LPIN1: variants seen among roughly 807,000 people sequenced by gnomAD.
LPIN1 encodes lipin 1, also known as phosphatidate phosphatase LPIN1.
LPIN1 carries 71 observed loss-of-function variants against 107.5 expected under a neutral mutation model. That is an observed-to-expected ratio of 0.66 (90% confidence interval 0.55 to 0.80). The LOEUF is 0.80. Ranked by LOEUF, LPIN1 falls within the 30% of genes least tolerant of loss-of-function variation. The pLI, the probability that LPIN1 is intolerant of heterozygous loss-of-function variation, is 0.00. For missense variants in LPIN1, 1,043 were observed against 1,160.6 expected (o/e 0.90, Z 1.47); for synonymous variants, 445 against 452.6 (o/e 0.98, Z 0.21).
intron 1 of LPIN1, among the ~76,000 whole-genome samples, chr2:11,687,301 A>G (rs571991460): frequency 2.6e-5 from 4 of 152,276 alleles, no homozygotes; most frequent in East Asian, 3.9e-4. Context: ...AAACAATTCT[A>G]TTACCCAGTT....
intron 1 of LPIN1, among the ~76,000 whole-genome samples, chr2:11,684,770 T>C (rs1436775890): frequency 2.6e-5 from 4 of 152,124 alleles, no homozygotes; most frequent in Non-Finnish European, 5.9e-5. Context: ...TTTTTCATTT[T>C]TTAAGATTAA....
chr2:11,753,373 A>G (rs1485187229), intron 1 of LPIN1, among the ~76,000 whole-genome samples: 1 of 152,170 alleles, frequency 6.6e-6, no homozygotes. Context: ...TTGGACGGGA[A>G]TGTCTCACGA....
intron 17 of LPIN1, among the ~76,000 whole-genome samples, chr2:11,812,069 TTC>T (rs1327904811): frequency 6.6e-6 from 1 of 152,282 alleles, no homozygotes; most frequent in Non-Finnish European, 1.5e-5. Context: ...TATTTCTAGA[TTC>T]TTTTTGTCTT....
At chr2:11,713,884 C>A in intron 2 of LPIN1, 1 of 1,123,682 alleles carries the variant, frequency 8.9e-7, no homozygotes, top group Non-Finnish European at 1.3e-6. Context: ...ACTCCATGTC[C>A]AGCTGTGGTT....
intron 14 of LPIN1, among the ~76,000 whole-genome samples, chr2:11,796,646 T>C (rs373230266): frequency 7.2e-5 from 11 of 152,286 alleles, no homozygotes; most frequent in African/African-American, 2.4e-4. Context: ...ACCGCTGGTC[T>C]GTGCTTCACA....
chr2:11,687,931 T>C (rs182685056), intron 1 of LPIN1, among the ~76,000 whole-genome samples: 63 of 152,352 alleles, frequency 4.1e-4, no homozygotes, highest in Admixed American at 3.8e-3. Flanking sequence ...AAACCCAACC[T>C]GTGCTTGACT....
intron 1 of LPIN1, among the ~76,000 whole-genome samples, chr2:11,759,868 C>G (rs1243696978): frequency 3.9e-5 from 5 of 128,276 alleles, no homozygotes; most frequent in East Asian, 2.4e-4. Flanking sequence ...GGCTGCCCCC[C>G]ACCTCCCTCC....
intron 17 of LPIN1, among the ~76,000 whole-genome samples, chr2:11,812,155 A>G (rs1679779019): frequency 6.6e-6 from 1 of 152,244 alleles, no homozygotes; most frequent in South Asian, 2.1e-4. Context: ...TGGCCATTAT[A>G]AAATATTCAT....
chr2:11,732,951 C>A (rs1228351539), intron 1 of LPIN1, among the ~76,000 whole-genome samples: 1 of 150,128 alleles, frequency 6.7e-6, no homozygotes, highest in Admixed American at 6.6e-5. Flanking sequence ...GGGGGCCAAA[C>A]CAAAACTTGT....
rs2148566164 is a variant in LPIN1 at position 11,746,652 on chromosome 2, G to A, written c.-29G>A. The A allele has an allele frequency of 1.0e-6, 1 of 985,268 alleles. No homozygotes were observed. Among genetic ancestry groups the A allele is most frequent in the South Asian group, 4.7e-5 (1 of 21,290 alleles). The allele number at this position is 985,268 out of a possible 1,614,324, so 61.0% of individuals were successfully genotyped here. A position where few individuals can be genotyped will look rare whatever the true frequency, so the allele number is the denominator to read the frequency against. On this transcript the variant is annotated 5_prime_UTR_variant, in exon 1 of 21. Coordinates refer to ENST00000674199, the MANE Select transcript of LPIN1 (RefSeq NM_001349206.2). ...GCTGGGTGTTTGCAATACAAAGGCG[G>A]CCACGCGCGGCGCCGCTCGGTGAGT...
At chr2:11,691,732 C>G (rs1048198416) in intron 1 of LPIN1, among the ~76,000 whole-genome samples, 12 of 152,188 alleles carry the variant, frequency 7.9e-5, no homozygotes, top group Admixed American at 6.5e-4. Context: ...TCTCCCACTT[C>G]AATATTGATC....
intron 1 of LPIN1, chr2:11,763,047 A>C (rs1670098577): frequency 6.6e-6 from 1 of 152,272 alleles, no homozygotes; most frequent in African/African-American, 2.4e-5. Flanking sequence ...TGGCTTCACG[A>C]GTCCGCCAAA....
chr2:11,751,504 A>G (rs1019185011), intron 1 of LPIN1, among the ~76,000 whole-genome samples: 4 of 152,208 alleles, frequency 2.6e-5, no homozygotes, highest in African/African-American at 9.7e-5. Flanking sequence ...TTTTGTATGT[A>G]TCTCATTCCA....
chr2:11,804,982 GTTT>G (rs372751097), intron 16 of LPIN1, 85 bp from the exon 17 acceptor site: 677 of 698,568 alleles, frequency 9.7e-4, no homozygotes, highest in Middle Eastern at 1.4e-3. Context: ...TCTTGTTTGT[GTTT>G]TTTTTTTTTT....
intron 1 of LPIN1, among the ~76,000 whole-genome samples, chr2:11,759,388 AC>A (rs1359789269): frequency 6.6e-6 from 1 of 151,638 alleles, no homozygotes; most frequent in Non-Finnish European, 1.5e-5. Flanking sequence ...ATGACTCTTA[AC>A]GAGCCTGCTG....
At chr2:11,700,468 G>GCTCTCT (rs147476201) in intron 1 of LPIN1, among the ~76,000 whole-genome samples, 3 of 147,598 alleles carry the variant, frequency 2.0e-5, no homozygotes, top group South Asian at 2.1e-4. Context: ...CTCTCTCTCA[G>GCTCTCT]CTCTCTCTCT....
chr2:11,825,244 G>A lies in LPIN1; in HGVS notation c.*453G>A. On this transcript the variant is annotated 3_prime_UTR_variant, in exon 21 of 21. Transcript: ENST00000674199. This position sits in a 1 kb window ranked among gnomAD's most constrained non-coding sequence, Gnocchi z 4.1. Reference sequence around the variant, plus strand: ...GCACATTTCCATTATAGCAATGTTAGTGCCACCACCTTCTGAACACAGTGG... The same window carrying A: ...GCACATTTCCATTATAGCAATGTTAATGCCACCACCTTCTGAACACAGTGG... The A allele has an allele frequency of 8.8e-6, 2 of 227,968 alleles. No homozygotes were observed. Among genetic ancestry groups the A allele is most frequent in the Non-Finnish European group, 1.8e-5 (2 of 113,122 alleles). The allele number at this position is 227,968 out of a possible 1,614,324, so 14.1% of individuals were successfully genotyped here. A position where few individuals can be genotyped will look rare whatever the true frequency, so the allele number is the denominator to read the frequency against.
chr2:11,721,034 G>A (rs1664095754), upstream of LPIN1, among the ~76,000 whole-genome samples: 1 of 152,064 alleles, frequency 6.6e-6, no homozygotes, highest in Non-Finnish European at 1.5e-5. Context: ...TCTAGACTGT[G>A]CTGTACTCTG....
At chr2:11,713,794 A>G (rs754536501) in exon 2 of LPIN1, 7 of 1,522,532 alleles carry the variant, frequency 4.6e-6, no homozygotes, top group Non-Finnish European at 6.2e-6. Flanking sequence ...TTCGAAATGT[A>G]TGGTCTTCAA....
Sources: gnomAD v4.1 joint callset for allele counts (sites outside exome capture counted in the v4.1 genomes callset) on GRCh38, gnomAD v4.1.1 for gene constraint, Gnocchi (gnomAD v3.1) non-coding constraint, MANE v1.5 for transcripts, NCBI Gene and HGNC (gene_info 2026-07-23, HGNC 2026-07-21) for gene names.